The following C12orf76 variants were observed in gnomAD, a reference collection of about 807,000 sequenced individuals.
C12orf76 encodes the protein chromosome 12 open reading frame 76, also known as uncharacterized protein C12orf76.
C12orf76 carries 6 observed loss-of-function variants against 6.8 expected under a neutral mutation model. That is an observed-to-expected ratio of 0.88 (90% CI 0.48 to 1.73). C12orf76 has a LOEUF of 1.73. Ranked by LOEUF, C12orf76 falls within the 40% of genes most tolerant of loss-of-function variation. The pLI is 0.01. For missense variants in C12orf76, 99 were observed against 98.2 expected (o/e 1.01, Z -0.03); for synonymous variants, 56 against 43.7 (o/e 1.28, Z -1.11).
chr12:110,061,921 C>G (rs564227410), intron 2 of C12orf76, among the ~76,000 whole-genome samples: 1 of 152,086 alleles, frequency 6.6e-6, no homozygotes, highest in Admixed American at 6.6e-5. Context: ...GGCTACACGA[C>G]CTTGGACAAG....
intron 4 of C12orf76, among the ~76,000 whole-genome samples, chr12:110,055,064 T>G (rs780668530): frequency 1.3e-5 from 2 of 152,192 alleles, no homozygotes; most frequent in Non-Finnish European, 2.9e-5. Context: ...ATTTGTTAAA[T>G]TGGATGATGG....
chr12:110,069,029 A>C (rs1293351856), upstream of C12orf76, among the ~76,000 whole-genome samples: 3 of 152,232 alleles, frequency 2.0e-5, no homozygotes, highest in Non-Finnish European at 2.9e-5. Context: ...GTCCATTAAC[A>C]AAGAGGAAAA....
At chr12:110,068,327 A>AGAAGAG (rs1566080332), upstream of C12orf76, among the ~76,000 whole-genome samples, 1 of 132,150 alleles carries the variant, frequency 7.6e-6, no homozygotes, top group African/African-American at 2.7e-5. Flanking sequence ...AAGAAGAAGA[A>AGAAGAG]GAAGGCGGCC....
chr12:110,064,998 A>T (rs1477662515), intron 2 of C12orf76, among the ~76,000 whole-genome samples: 3 of 152,196 alleles, frequency 2.0e-5, no homozygotes, highest in Non-Finnish European at 4.4e-5. Flanking sequence ...CTTTTGAGAT[A>T]ATGTGCTTTC....
chr12:110,059,169 G>A (rs376605426), intron 2 of C12orf76: 57 of 1,535,626 alleles, frequency 3.7e-5, no homozygotes, highest in Non-Finnish European at 4.7e-5. Context: ...CCTTGCTGGT[G>A]TAAAAAAAAA....
intron 2 of C12orf76, chr12:110,065,832 C>T: frequency 1.9e-6 from 3 of 1,614,198 alleles, no homozygotes; most frequent in East Asian, 2.2e-5. Context: ...GTCCTGCCCC[C>T]TGGTCTGGCT....
Position 110,054,459 on chromosome 12 carries a change from A to G in C12orf76, n.664+2730T>C, listed in dbSNP as rs1211434330. Among the ~76,000 whole-genome samples, 2 of 152,224 alleles carry G rather than the reference A, an allele frequency of 1.3e-5. No individual in the cohort carries two copies. The highest frequency in any genetic ancestry group is 4.8e-5 in the African/African-American group (2 of 41,468). ...AGAGAGGCTAGTCACAAAAGGCCAC[A>G]CATATTGATTGACTCCATTTATATG... On this transcript the variant is annotated intron_variant and non_coding_transcript_variant, in intron 4 of 4. Transcript: ENST00000309050. The surrounding 1 kb of genome is among the most constrained non-coding windows in gnomAD (Gnocchi z 4.4).
intron 2 of C12orf76, among the ~76,000 whole-genome samples, chr12:110,062,789 T>A (rs958929643): frequency 2.3e-5 from 1 of 42,668 alleles, no homozygotes; most frequent in East Asian, 2.9e-4. Flanking sequence ...CCAGCTAATA[T>A]TTTTTTTTTT....
chr12:110,069,899 T>G (rs1404778046), upstream of C12orf76, among the ~76,000 whole-genome samples: 1 of 152,204 alleles, frequency 6.6e-6, no homozygotes, highest in Non-Finnish European at 1.5e-5. Context: ...AAGAAAAATA[T>G]TCATCATTAT....
intron 1 of C12orf76, among the ~76,000 whole-genome samples, chr12:110,066,475 G>T (rs1892865119): frequency 6.6e-6 from 1 of 150,926 alleles, no homozygotes; most frequent in Admixed American, 6.6e-5. Context: ...ATCACCTGAG[G>T]TCGGGAGTTT....
intron 1 of C12orf76, chr12:110,066,163 G>C (rs1398350838): frequency 1.6e-6 from 2 of 1,263,070 alleles, no homozygotes; most frequent in Non-Finnish European, 2.0e-6. Context: ...CTTGAGGCCA[G>C]GAGTTCAAGA....
At position 110,042,413 on chromosome 12, in the gene C12orf76, A is replaced by G; in HGVS notation, c.180T>C (p.Leu60=). 1 of 1,614,186 alleles carries G rather than the reference A, an allele frequency of 6.2e-7. No homozygotes were observed. Among genetic ancestry groups the G allele is most frequent in the Non-Finnish European group, 8.5e-7 (1 of 1,179,972 alleles). ...IFSILLVTVI[L]MAFCVYKPIR... The stretch of plus-strand genomic sequence containing the variant: ...TGGGCTTGTAGACACAAAATGCCAT[A>G]AGGATGACAGTCACCAGCAGGATGC... The change falls in exon 2 of 2, where the codon CTT becomes CTC. Residue 60 remains leucine, a synonymous_variant. Coordinates refer to ENST00000615315, the MANE Select transcript of C12orf76 (RefSeq NM_001389625.1).
intron 1 of C12orf76, among the ~76,000 whole-genome samples, chr12:110,048,094 G>C (rs766171207): frequency 5.3e-5 from 8 of 152,192 alleles, no homozygotes; most frequent in South Asian, 2.1e-4. Flanking sequence ...CCAGCTACTC[G>C]GCAGGCTGAG....
At chr12:110,042,528 A>G (rs1892341720) in intron 1 of C12orf76, 69 bp from the exon 2 acceptor site, 2 of 986,842 alleles carry the variant, frequency 2.0e-6, no homozygotes, top group Non-Finnish European at 3.3e-6. Context: ...CTCACTGCCA[A>G]TGATTTATCA....
upstream of C12orf76, among the ~76,000 whole-genome samples, chr12:110,069,976 A>G (rs192631694): frequency 1.3e-5 from 2 of 152,308 alleles, no homozygotes; most frequent in African/African-American, 4.8e-5. Flanking sequence ...TGGGCTGGGC[A>G]TGGTGGCTCA....
chr12:110,046,148 G>A (rs767197446), intron 1 of C12orf76, among the ~76,000 whole-genome samples: 9 of 151,122 alleles, frequency 6.0e-5, no homozygotes, highest in Non-Finnish European at 8.9e-5. Context: ...ATGTTTTAGG[G>A]CGGGCGTGGT....
At chr12:110,057,286 C>A in exon 4 of C12orf76, 10 of 1,611,076 alleles carry the variant, frequency 6.2e-6, no homozygotes, top group Non-Finnish European at 8.5e-6. Context: ...TTCCTCTCCC[C>A]CTTACAGCTC....
At chr12:110,055,496 C>T (rs958914679) in intron 4 of C12orf76, among the ~76,000 whole-genome samples, 1 of 152,086 alleles carries the variant, frequency 6.6e-6, no homozygotes, top group Non-Finnish European at 1.5e-5. Flanking sequence ...CGTGAGTCAC[C>T]GTGCCTGGCA....
chr12:110,061,918 C>A (rs552197923), intron 2 of C12orf76, among the ~76,000 whole-genome samples: 1 of 152,122 alleles, frequency 6.6e-6, no homozygotes, highest in South Asian at 2.1e-4. Context: ...ACTGGCTACA[C>A]GACCTTGGAC....
Sources: allele counts gnomAD v4.1 joint callset (sites outside exome capture counted in the v4.1 genomes callset), GRCh38; gene constraint gnomAD v4.1.1; non-coding constraint Gnocchi (gnomAD v3.1); transcripts MANE v1.5; gene names NCBI Gene and HGNC (gene_info 2026-07-23, HGNC 2026-07-21).